The following GTF2I variants were observed in gnomAD, a reference collection of about 807,000 sequenced individuals.
The protein encoded by GTF2I is general transcription factor II-I.
Under a neutral mutation model 67.6 loss-of-function variants are expected in GTF2I, and 12 were observed. That is an observed-to-expected ratio of 0.18 (90% CI 0.11 to 0.29). The LOEUF is 0.29. Among genes scored for constraint, GTF2I ranks in the 10% least tolerant of loss-of-function variants. The pLI, the probability that GTF2I is intolerant of heterozygous loss-of-function variation, is 1.00. For missense variants in GTF2I, 271 were observed against 580.1 expected, an observed-to-expected ratio of 0.47 and a Z score of 5.47; for synonymous variants, 149 against 197.0, an observed-to-expected ratio of 0.76 and a Z score of 2.04.
chr7:74,679,159 A>T (rs1468986517), intron 1 of GTF2I, among the ~76,000 whole-genome samples: 1 of 150,544 alleles, frequency 6.6e-6, no homozygotes, highest in Non-Finnish European at 1.5e-5. Context: ...GATCACTGCA[A>T]CCTCCGCCTC....
At chr7:74,709,351 C>T (rs1016968071) in intron 8 of GTF2I, among the ~76,000 whole-genome samples, 1 of 152,128 alleles carries the variant, frequency 6.6e-6, no homozygotes, top group Non-Finnish European at 1.5e-5. Flanking sequence ...CAGATTCAAG[C>T]GATTCTCCCA....
intron 6 of GTF2I, among the ~76,000 whole-genome samples, chr7:74,704,752 G>A (rs1338979430): frequency 6.6e-6 from 1 of 151,420 alleles, no homozygotes; most frequent in African/African-American, 2.4e-5. Context: ...TACTCAGGAG[G>A]CTGAGGTAGG....
chr7:74,659,841 C>T (rs1042116558), intron 1 of GTF2I, among the ~76,000 whole-genome samples: 1 of 152,142 alleles, frequency 6.6e-6, no homozygotes, highest in Non-Finnish European at 1.5e-5. Flanking sequence ...CCACGCTGGG[C>T]CTCATCTCTT....
intron 1 of GTF2I, among the ~76,000 whole-genome samples, chr7:74,672,145 A>AT (rs1233070834): frequency 6.6e-6 from 1 of 152,138 alleles, no homozygotes; most frequent in Non-Finnish European, 1.5e-5. Context: ...ATGAACTAAA[A>AT]TGAGTTCTTT....
intron 5 of GTF2I, 84 bp from the exon 6 acceptor site, chr7:74,700,522 T>A: frequency 6.3e-7 from 1 of 1,592,290 alleles, no homozygotes; most frequent in Non-Finnish European, 8.6e-7. Context: ...AAATTCATAT[T>A]TAACACAGAA....
intron 5 of GTF2I, 54 bp from the exon 6 acceptor site, chr7:74,700,552 T>C: frequency 6.2e-7 from 1 of 1,604,908 alleles, no homozygotes; most frequent in Non-Finnish European, 8.5e-7. Context: ...ATGTATGCTT[T>C]ACAATAATTT....
chr7:74,690,072 C>T (rs1260137302), intron 2 of GTF2I, among the ~76,000 whole-genome samples: 1 of 152,008 alleles, frequency 6.6e-6, no homozygotes, highest in East Asian at 1.9e-4. Flanking sequence ...AAAAATTAGC[C>T]AGCGTGGCAG....
intron 6 of GTF2I, among the ~76,000 whole-genome samples, chr7:74,702,816 C>T (rs1463007152): frequency 2.6e-5 from 4 of 151,652 alleles, no homozygotes; most frequent in African/African-American, 9.7e-5. Flanking sequence ...TTAGTGCAGC[C>T]TCAACCTCCC....
intron 2 of GTF2I, among the ~76,000 whole-genome samples, chr7:74,690,664 T>G (rs1235452895): frequency 1.3e-5 from 2 of 152,178 alleles, no homozygotes; most frequent in Non-Finnish European, 2.9e-5. Context: ...ACATCAGTGT[T>G]CAGTGCTTCG....
intron 26 of GTF2I, among the ~76,000 whole-genome samples, chr7:74,750,267 A>C: frequency 9.6e-6 from 1 of 104,084 alleles, no homozygotes; most frequent in African/African-American, 2.7e-5. Context: ...CCCCATCTCT[A>C]CTTAAAATAC....
At chr7:74,702,402 A>G (rs1789921592) in intron 6 of GTF2I, among the ~76,000 whole-genome samples, 1 of 151,952 alleles carries the variant, frequency 6.6e-6, no homozygotes, top group Non-Finnish European at 1.5e-5. Context: ...TAATTTTTGT[A>G]TTTTTAGTAG....
intron 1 of GTF2I, among the ~76,000 whole-genome samples, chr7:74,666,735 A>G (rs1407607902): frequency 1.3e-5 from 2 of 151,622 alleles, no homozygotes; most frequent in South Asian, 2.1e-4. Context: ...TGGGAGTCCA[A>G]GGCGGGTGGA....
intron 1 of GTF2I, chr7:74,684,690 GTGGGTCGCCCT>G (rs1787542803): frequency 1.3e-5 from 2 of 152,290 alleles, no homozygotes; most frequent in South Asian, 4.1e-4. Flanking sequence ...GAGAAGGCCC[GTGGGTCGCCCT>G]TGGGGTGCTT....
intron 12 of GTF2I, among the ~76,000 whole-genome samples, chr7:74,725,957 C>T (rs1408569866): frequency 1.3e-5 from 2 of 151,226 alleles, no homozygotes; most frequent in African/African-American, 2.4e-5. Flanking sequence ...GAAGTCTTTT[C>T]AGTAAGGAAA....
chr7:74,664,502 C>T (rs587652518), intron 1 of GTF2I, among the ~76,000 whole-genome samples: 3 of 152,090 alleles, frequency 2.0e-5, no homozygotes, highest in East Asian at 1.9e-4. Flanking sequence ...GGCGCGATCT[C>T]GGCTCACTGC....
At chr7:74,664,536 C>T (rs926296447) in intron 1 of GTF2I, among the ~76,000 whole-genome samples, 4 of 152,112 alleles carry the variant, frequency 2.6e-5, no homozygotes, top group Admixed American at 1.3e-4. Flanking sequence ...CAGGTTCAAG[C>T]GATTCTCCTG....
chr7:74,732,510 G>T lies in GTF2I; in HGVS notation c.1152G>T (p.Thr384=). The T allele has an allele frequency of 6.3e-7, 1 of 1,587,730 alleles. No homozygotes were observed. Among genetic ancestry groups the T allele is most frequent in the Non-Finnish European group, 8.5e-7 (1 of 1,170,976 alleles). The change falls in exon 15 of 35, where the codon ACG becomes ACT. Residue 384 remains threonine, a synonymous_variant. Coordinates refer to ENST00000573035, the MANE Select transcript of GTF2I (RefSeq NM_032999.4). ...AQAIKAKGPV[T]IPYPLFQSHV... is the part of the protein sequence containing the mutation. Reference sequence around the variant, plus strand: ...CCATAAAAGCCAAAGGTCCGGTGACGATCCCGTACCCTCTTTTCCAGTCTC... The same window carrying T: ...CCATAAAAGCCAAAGGTCCGGTGACTATCCCGTACCCTCTTTTCCAGTCTC...
At chr7:74,696,644 C>G (rs1489336909) in intron 3 of GTF2I, among the ~76,000 whole-genome samples, 4 of 152,120 alleles carry the variant, frequency 2.6e-5, no homozygotes, top group African/African-American at 9.7e-5. Context: ...AGGCGCCCAC[C>G]ACCATGCCTG....
chr7:74,671,791 G>A (rs1434123646), intron 1 of GTF2I, among the ~76,000 whole-genome samples: 1 of 152,044 alleles, frequency 6.6e-6, no homozygotes, highest in East Asian at 1.9e-4. Context: ...ACACCAGCCT[G>A]GGCAACATAG....
Sources: allele counts gnomAD v4.1 joint callset (sites outside exome capture counted in the v4.1 genomes callset), GRCh38; gene constraint gnomAD v4.1.1; transcripts MANE v1.5; gene names NCBI Gene and HGNC (gene_info 2026-07-23, HGNC 2026-07-21).